NTSR1: variants seen among roughly 807,000 people sequenced by gnomAD.
The protein encoded by NTSR1 is neurotensin receptor type 1.
In NTSR1, 29 loss-of-function variants were observed where a neutral mutation model predicts 31.2. The ratio of observed to expected loss-of-function variants is 0.93; its 90% confidence interval spans 0.69 to 1.27. NTSR1 has a LOEUF of 1.27. Ranked by LOEUF, NTSR1 falls within the 50% of genes most tolerant of loss-of-function variation. The probability of loss-of-function intolerance (pLI) is 0.00; values close to 1 mark genes in which losing one functional copy is unlikely to be tolerated. For missense variants in NTSR1, 697 were observed against 595.4 expected, an observed-to-expected ratio of 1.17 and a Z score of -1.78; for synonymous variants, 282 against 269.9, an observed-to-expected ratio of 1.04 and a Z score of -0.44.
At chr20:62,749,298 G>C (rs908108742) in intron 1 of NTSR1, among the ~76,000 whole-genome samples, 1 of 152,210 alleles carries the variant, frequency 6.6e-6, no homozygotes, top group South Asian at 2.1e-4. Flanking sequence ...AAAATTAGCC[G>C]GGTGTGGTGG....
At chr20:62,754,211 G>A (rs1989440195) in intron 1 of NTSR1, among the ~76,000 whole-genome samples, 1 of 152,172 alleles carries the variant, frequency 6.6e-6, no homozygotes, top group Non-Finnish European at 1.5e-5. Context: ...GAGCTGTCAG[G>A]ACCTAGGAGA....
chr20:62,745,602 G>C lies in NTSR1; in HGVS notation c.715-9083G>C, dbSNP rs1207506663. ...ACACAGGAAGGAAAACATACAAGGAGACAGAGACACAGAAAAACACAGAGA... is the reference window on the plus strand; with the variant it reads ...ACACAGGAAGGAAAACATACAAGGACACAGAGACACAGAAAAACACAGAGA... On this transcript the variant is annotated intron_variant, in intron 1 of 3. Transcript: ENST00000370501. The surrounding 1 kb of genome is among the most constrained non-coding windows in gnomAD (Gnocchi z 4.1). 6.6e-6 allele frequency among the ~76,000 whole-genome samples: 1 copy of C among 150,948 alleles called. No homozygotes were observed. Among genetic ancestry groups the C allele is most frequent in the Non-Finnish European group, 1.5e-5 (1 of 67,938 alleles).
chr20:62,731,727 G>T (rs554046865), intron 1 of NTSR1, among the ~76,000 whole-genome samples: 159 of 152,232 alleles, frequency 1.0e-3, no homozygotes, highest in African/African-American at 3.5e-3. Context: ...AATAACTTTT[G>T]CTTCTTTCTC....
intron 2 of NTSR1, 151 bp downstream of exon 2, chr20:62,755,037 G>A (rs1479851461): frequency 1.2e-5 from 8 of 679,116 alleles, no homozygotes; most frequent in Non-Finnish European, 2.0e-5. Flanking sequence ...CCCCCGAGGG[G>A]TGAGTGCCAT....
intron 1 of NTSR1, among the ~76,000 whole-genome samples, chr20:62,748,175 CAAAA>C (rs34449464): frequency 0.016 from 1,293 of 78,886 alleles, 19 homozygotes; most frequent in African/African-American, 0.04. Context: ...GAATCTGTCT[CAAAA>C]AAAAAAAAAA....
In NTSR1 at chr20:62,709,821, TCAC is replaced by T; in HGVS notation, c.617_619del (p.Thr206del). ...GCCCTGCTGGCGGTGCCTATGCTGT[TCAC>T]CATGGGCGAGCAGAACCGCAGCGCC... On this transcript the variant is annotated inframe_deletion, in exon 1 of 4. Coordinates refer to ENST00000370501, the MANE Select transcript of NTSR1 (RefSeq NM_002531.3). 6.2e-7 allele frequency: 1 copy of T among 1,612,488 alleles called. No individual in the cohort carries two copies. The highest frequency in any genetic ancestry group is 8.5e-7 in the Non-Finnish European group (1 of 1,179,752).
chr20:62,756,814 T>G (rs538953644), intron 2 of NTSR1: 3 of 152,342 alleles, frequency 2.0e-5, no homozygotes, highest in East Asian at 3.9e-4. Flanking sequence ...CTCGTTGTGG[T>G]TTTGATTTGC....
At chr20:62,739,437 C>T (rs1414287076) in intron 1 of NTSR1, among the ~76,000 whole-genome samples, 1 of 152,230 alleles carries the variant, frequency 6.6e-6, no homozygotes, top group Non-Finnish European at 1.5e-5. Context: ...GGGGTTAAGC[C>T]AGAGCCTGGG....
Position 62,743,353 on chromosome 20 carries a change from T to A in NTSR1, c.715-11332T>A, listed in dbSNP as rs1989237493. The stretch of plus-strand genomic sequence containing the variant: ...ATTAACTCTGCCATCGTTCCTGGCC[T>A]CAGCTGTGGTGGGGAAGGCAGTTCG... On this transcript the variant is annotated intron_variant, in intron 1 of 3. Coordinates refer to ENST00000370501, the MANE Select transcript of NTSR1 (RefSeq NM_002531.3). The surrounding 1 kb of genome is among the most constrained non-coding windows in gnomAD (Gnocchi z 7.5). 6.6e-6 allele frequency among the ~76,000 whole-genome samples: 1 copy of A among 151,628 alleles called. No homozygotes were observed. The highest frequency in any genetic ancestry group is 2.1e-4 in the South Asian group (1 of 4,824).
Position 62,757,602 on chromosome 20 carries a change from G to A in NTSR1, c.917-664G>A, listed in dbSNP as rs148055526. On this transcript the variant is annotated intron_variant, in intron 2 of 3. Coordinates refer to ENST00000370501, the MANE Select transcript of NTSR1 (RefSeq NM_002531.3). ...CAAAAGCATTCTTGAAATTTGATAC[G>A]GATTGCATTGAATCTGTAGAGTGCT... 2.1e-3 allele frequency among the ~76,000 whole-genome samples: 327 copies of A among 152,246 alleles called. 1 individual carries two copies. The highest frequency in any genetic ancestry group is 7.4e-3 in the African/African-American group (308 of 41,550).
chr20:62,737,759 T>C (rs11696993), intron 1 of NTSR1, among the ~76,000 whole-genome samples: 18,587 of 151,716 alleles, frequency 0.12, 1,231 homozygotes, highest in Non-Finnish European at 0.14. Flanking sequence ...CAGAATGCAG[T>C]TGTGGCTGCA....
At chr20:62,716,098 G>A (rs1003151566) in intron 1 of NTSR1, among the ~76,000 whole-genome samples, 2 of 152,186 alleles carry the variant, frequency 1.3e-5, no homozygotes, top group African/African-American at 2.4e-5. Flanking sequence ...ACAGTTGAGC[G>A]GCGTGAAGCA....
chr20:62,730,569 G>A (rs567197299), intron 1 of NTSR1, among the ~76,000 whole-genome samples: 269 of 152,330 alleles, frequency 1.8e-3, no homozygotes, highest in African/African-American at 6.0e-3. Flanking sequence ...AGGTTTCTGT[G>A]TGGCTTTCAC....
At chr20:62,759,169 C>G (rs1989565766) in intron 3 of NTSR1, among the ~76,000 whole-genome samples, 1 of 152,184 alleles carries the variant, frequency 6.6e-6, no homozygotes, top group Non-Finnish European at 1.5e-5. Flanking sequence ...GAGGGCGCAC[C>G]TACGACCAAT....
chr20:62,762,738 C>G lies in NTSR1; in HGVS notation c.*2471C>G, dbSNP rs2147152611. 6.6e-6 allele frequency: 1 copy of G among 152,338 alleles called. No homozygotes were observed. The highest frequency in any genetic ancestry group is 3.4e-3 in the Middle Eastern group (1 of 294). The allele number at this position is 152,338 out of a possible 1,614,324, so 9.4% of individuals were successfully genotyped here. ...TGGTGAAAACAAACCCCGTGTATCTCTCAATAAAGGTGGCCGAAGGGCCTC... is the reference window on the plus strand; with the variant it reads ...TGGTGAAAACAAACCCCGTGTATCTGTCAATAAAGGTGGCCGAAGGGCCTC... On this transcript the variant is annotated 3_prime_UTR_variant, in exon 4 of 4. Transcript: ENST00000370501.
intron 1 of NTSR1, among the ~76,000 whole-genome samples, chr20:62,751,497 G>A (rs527988008): frequency 1.9e-4 from 29 of 152,376 alleles, no homozygotes; most frequent in African/African-American, 6.0e-4. Flanking sequence ...GTCATGGGGT[G>A]CCCCGCTTCA....
Position 62,723,841 on chromosome 20 carries a change from G to A in NTSR1, c.714+13920G>A, listed in dbSNP as rs112670596. Among the ~76,000 whole-genome samples, 947 of 152,332 alleles carry A rather than the reference G, an allele frequency of 6.2e-3. 13 individuals are homozygous for A. The highest frequency in any genetic ancestry group is 0.02 in the African/African-American group (844 of 41,570). On this transcript the variant is annotated intron_variant, in intron 1 of 3. Transcript: ENST00000370501. ...CTGAGGGAGTCAGGGCCGAGCCAGC[G>A]AAACACTGGGGTTGCTTTGAAGCTG...
Position 62,709,409 on chromosome 20 carries a change from G to T in NTSR1, c.202G>T (p.Ala68Ser), listed in dbSNP as rs1988548611. 4 of 1,610,582 alleles carry T rather than the reference G, an allele frequency of 2.5e-6. No homozygotes were observed. Among genetic ancestry groups the T allele is most frequent in the Non-Finnish European group, 3.4e-6 (4 of 1,178,264 alleles). Residue 68 changes from alanine (A) to serine (S), a missense_variant, in exon 1 of 4, where the codon GCC becomes TCC. Ala to Ser is a moderately conservative substitution (Grantham distance 99, BLOSUM62 1). Coordinates refer to ENST00000370501, the MANE Select transcript of NTSR1 (RefSeq NM_002531.3). ...TDIYSKVLVT[A>S]VYLALFVVGT... The stretch of plus-strand genomic sequence containing the variant: ...CATCTACTCCAAGGTGCTGGTGACC[G>T]CCGTGTACCTGGCGCTCTTCGTGGT...
rs773563418 is a variant in NTSR1, at chr20:62,709,229, C to T, written c.22C>T (p.Pro8Ser). 40 of 1,487,772 alleles carry T rather than the reference C, an allele frequency of 2.7e-5. No individual in the cohort carries two copies. In the Admixed American group the frequency reaches 4.6e-4, roughly 17 times the overall value. 92.2% of individuals were successfully genotyped at this position (1,487,772 alleles called of 1,614,324 possible). The change falls in exon 1 of 4, where the codon CCG becomes TCG. Residue 8 changes from proline (P) to serine (S), a missense_variant. Physicochemically the swap from Pro to Ser is moderately conservative, Grantham distance 74. Transcript: ENST00000370501. Reference sequence around the variant, plus strand: ...CACCATGCGCCTCAACAGCTCCGCGCCGGGAACCCCGGGCACGCCGGCCGC... The same window carrying T: ...CACCATGCGCCTCAACAGCTCCGCGTCGGGAACCCCGGGCACGCCGGCCGC... The part of the protein sequence containing the change: MRLNSSA[P>S]GTPGTPAADP...
Sources: allele counts gnomAD v4.1 joint callset (sites outside exome capture counted in the v4.1 genomes callset), GRCh38; gene constraint gnomAD v4.1.1; non-coding constraint Gnocchi (gnomAD v3.1); transcripts MANE v1.5; gene names NCBI Gene and HGNC (gene_info 2026-07-23, HGNC 2026-07-21).